The following UBR2 variants were observed in gnomAD, a reference collection of about 807,000 sequenced individuals.
UBR2 encodes the protein E3 ubiquitin-protein ligase UBR2.
A neutral mutation model predicts 247.9 loss-of-function variants in UBR2; 92 were observed. That is an observed-to-expected ratio of 0.37 (90% CI 0.31 to 0.44). The LOEUF (loss-of-function observed/expected upper bound fraction) is 0.44. Among genes scored for constraint, UBR2 ranks in the 20% least tolerant of loss-of-function variants. The pLI, the probability that UBR2 is intolerant of heterozygous loss-of-function variation, is 1.00. For synonymous variants in UBR2, 672 were observed against 693.5 expected (o/e 0.97, Z 0.49); for missense variants, 1,613 against 2,112.6 (o/e 0.76, Z 4.64).
Position 42,612,097 on chromosome 6 carries a change from A to G in UBR2, c.865-74A>G. On this transcript the variant is annotated intron_variant, in intron 7 of 46. Transcript: ENST00000372901. Reference sequence around the variant, plus strand: ...TGATGATAGTGTGGTTATATTAAGTAAAAATAATAACTTTGTTCTGCCAAT... The same window carrying G: ...TGATGATAGTGTGGTTATATTAAGTGAAAATAATAACTTTGTTCTGCCAAT... The G allele has an allele frequency of 2.2e-6, 3 of 1,374,678 alleles. No individual in the cohort carries two copies. In the South Asian group the frequency reaches 5.5e-5, roughly 25 times the overall value. The allele number at this position is 1,374,678 out of a possible 1,614,324, so 85.2% of individuals were successfully genotyped here.
intron 44 of UBR2, among the ~76,000 whole-genome samples, chr6:42,685,833 T>C (rs1021734523): frequency 6.6e-6 from 1 of 151,378 alleles, no homozygotes; most frequent in African/African-American, 2.4e-5. Flanking sequence ...GTCATGATCG[T>C]GCCACTGCAC....
At chr6:42,601,836 T>TA (rs1388106759) in intron 4 of UBR2, among the ~76,000 whole-genome samples, 1 of 151,982 alleles carries the variant, frequency 6.6e-6, no homozygotes, top group Non-Finnish European at 1.5e-5. Context: ...CCATCTGTTT[T>TA]AGGCATCTTT....
chr6:42,574,711 T>C (rs988675092), intron 2 of UBR2, among the ~76,000 whole-genome samples: 1 of 126,866 alleles, frequency 7.9e-6, no homozygotes, highest in Non-Finnish European at 1.7e-5. Flanking sequence ...TTTTTTTTTT[T>C]CTGAGATGGA....
At chr6:42,586,910 TC>T (rs1792323267) in intron 2 of UBR2, among the ~76,000 whole-genome samples, 1 of 147,082 alleles carries the variant, frequency 6.8e-6, no homozygotes, top group Non-Finnish European at 1.5e-5. Flanking sequence ...CAACCTCGCC[TC>T]CCAGACTCAA....
At chr6:42,641,451 AAATAATAAT>A (rs554395742) in intron 16 of UBR2, 122 bp from the exon 17 acceptor site, 18 of 596,690 alleles carry the variant, frequency 3.0e-5, no homozygotes, top group Non-Finnish European at 4.2e-5. Context: ...CTGTCTCAAA[AAATAATAAT>A]AATAATAATT....
At chr6:42,640,940 G>C (rs764540473) in intron 16 of UBR2, among the ~76,000 whole-genome samples, 19 of 151,692 alleles carry the variant, frequency 1.3e-4, no homozygotes, top group Non-Finnish European at 2.5e-4. Context: ...TGTTGCCCAG[G>C]CTGGTCTGGA....
chr6:42,684,552 C>A (rs1462208604), intron 43 of UBR2, among the ~76,000 whole-genome samples: 1 of 151,714 alleles, frequency 6.6e-6, no homozygotes, highest in Non-Finnish European at 1.5e-5. Context: ...CCACTGCACT[C>A]CAGCCTGGGC....
In UBR2 at chr6:42,652,565, A is replaced by G; in HGVS notation, c.2689A>G (p.Met897Val). Residue 897 changes from methionine to valine, a missense_variant, in exon 25 of 47, where the codon ATG (methionine) becomes GTG (valine). By Grantham distance (21) the Met-to-Val change is conservative. Transcript: ENST00000372901. ...GGTTAACATTTTGCAGTCAGATGTC[A>G]TGTTGTGCATCATGGGAACAATTCT... Reference protein sequence around the residue: ...SLVNILQSDVMLCIMGTILQW... With the variant: ...SLVNILQSDVVLCIMGTILQW... The G allele has an allele frequency of 1.9e-6, 3 of 1,613,772 alleles. No individual in the cohort carries two copies. Among genetic ancestry groups the G allele is most frequent in the Non-Finnish European group, 2.5e-6 (3 of 1,179,992 alleles).
chr6:42,600,625 C>CAAA (rs71680032), intron 4 of UBR2, among the ~76,000 whole-genome samples: 19,964 of 105,742 alleles, frequency 0.19, 1,807 homozygotes, highest in Middle Eastern at 0.21. Context: ...GTTACTGTAG[C>CAAA]AAAAAAAAAA....
At chr6:42,674,495 G>C (rs2151985954) in intron 38 of UBR2, among the ~76,000 whole-genome samples, 1 of 152,260 alleles carries the variant, frequency 6.6e-6, no homozygotes, top group South Asian at 2.1e-4. Context: ...CAGGTGTGGT[G>C]ACTCATGCCT....
chr6:42,570,819 G>C (rs1791077848), intron 1 of UBR2, among the ~76,000 whole-genome samples: 2 of 151,862 alleles, frequency 1.3e-5, no homozygotes, highest in Non-Finnish European at 2.9e-5. Flanking sequence ...GAGTAGCTGG[G>C]ACTACAGGCA....
At position 42,670,257 on chromosome 6, in the gene UBR2, TG is replaced by T; in HGVS notation, c.4030+18del. The T allele has an allele frequency of 6.2e-7, 1 of 1,609,186 alleles. No individual in the cohort carries two copies. The highest frequency in any genetic ancestry group is 8.5e-7 in the Non-Finnish European group (1 of 1,176,162). On this transcript the variant is annotated intron_variant, in intron 35 of 46. Transcript: ENST00000372901. ...AAAGCATAGGTAAGAGATTTACAGCTGTTTCTCTATAAGTCACAAGCATTCA... is the reference window on the plus strand; with the variant it reads ...AAAGCATAGGTAAGAGATTTACAGCTTTTCTCTATAAGTCACAAGCATTCA...
chr6:42,587,269 T>C (rs1168964855), intron 2 of UBR2, among the ~76,000 whole-genome samples: 4 of 152,212 alleles, frequency 2.6e-5, no homozygotes, highest in Admixed American at 6.5e-5. Flanking sequence ...CATTCTTTCC[T>C]GGACTAGAGG....
At chr6:42,586,961 C>T (rs1792328154) in intron 2 of UBR2, among the ~76,000 whole-genome samples, 2 of 151,570 alleles carry the variant, frequency 1.3e-5, no homozygotes, top group Admixed American at 6.6e-5. Flanking sequence ...GCTGGGATTA[C>T]AGGCACCGCC....
intron 4 of UBR2, among the ~76,000 whole-genome samples, chr6:42,600,826 T>A (rs181135864): frequency 7.9e-5 from 12 of 152,048 alleles, no homozygotes; most frequent in African/African-American, 2.9e-4. Context: ...TGCTAATTTT[T>A]AAATTTTTCT....
At chr6:42,669,647 G>A (rs1798318618) in intron 34 of UBR2, among the ~76,000 whole-genome samples, 1 of 152,156 alleles carries the variant, frequency 6.6e-6, no homozygotes, top group Admixed American at 6.5e-5. Context: ...GATACCTGGT[G>A]GACAGGTTGG....
rs146009040 is a variant in UBR2, at chr6:42,635,453, T to C, written c.1581T>C (p.His527=). The change falls in exon 14 of 47, where the codon CAT becomes CAC. Residue 527 remains histidine, a synonymous_variant. Transcript: ENST00000372901. ...CAATTACACGTCAAGTAGGACAACA[T>C]ATTGAAATGGAACCAGAGTGGGAAG... ...MDPITRQVGQ[H]IEMEPEWEAA... 207 of 1,613,820 alleles carry C rather than the reference T, an allele frequency of 1.3e-4. No homozygotes were observed. The highest frequency in any genetic ancestry group is 1.7e-4 in the Non-Finnish European group (195 of 1,179,874).
intron 1 of UBR2, among the ~76,000 whole-genome samples, chr6:42,572,027 G>T (rs1791179861): frequency 6.6e-6 from 1 of 152,084 alleles, no homozygotes; most frequent in African/African-American, 2.4e-5. Context: ...TGTCTCCTAA[G>T]AAATGATGCT....
At chr6:42,668,912 T>C (rs539953933) in intron 34 of UBR2, among the ~76,000 whole-genome samples, 1 of 149,960 alleles carries the variant, frequency 6.7e-6, no homozygotes, top group African/African-American at 2.5e-5. Flanking sequence ...ACTTCTATTT[T>C]CTATTACTAC....
Sources: gnomAD v4.1 joint callset for allele counts (sites outside exome capture counted in the v4.1 genomes callset) on GRCh38, gnomAD v4.1.1 for gene constraint, MANE v1.5 for transcripts, NCBI Gene and HGNC (gene_info 2026-07-23, HGNC 2026-07-21) for gene names.